Variants in GOLGA4 observed in about 807,000 individuals in gnomAD.
GOLGA4 encodes the protein golgin subfamily A member 4.
Under a neutral mutation model 265.9 loss-of-function variants are expected in GOLGA4, and 169 were observed. The observed-to-expected ratio is 0.64, with a 90% CI of 0.56 to 0.72. The LOEUF is 0.72. Among genes scored for constraint, GOLGA4 ranks in the 30% least tolerant of loss-of-function variants. The pLI, the probability that GOLGA4 is intolerant of heterozygous loss-of-function variation, is 0.00. For synonymous variants in GOLGA4, 923 were observed against 855.8 expected, an observed-to-expected ratio of 1.08 and a Z score of -1.37; for missense variants, 2,482 against 2,483.4, an observed-to-expected ratio of 1.00 and a Z score of 0.01.
chr3:37,257,844 A>G (rs1437435658), intron 2 of GOLGA4, among the ~76,000 whole-genome samples: 1 of 147,104 alleles, frequency 6.8e-6, no homozygotes. Context: ...AACAACTTTC[A>G]TATTGTTTTT....
In GOLGA4 at chr3:37,299,148, A is replaced by G. The variant is rs754842499; in HGVS notation, c.1002+128A>G. 32 of 932,118 alleles carry G rather than the reference A, an allele frequency of 3.4e-5. 1 individual carries two copies. Among genetic ancestry groups the G allele is most frequent in the African/African-American group, 1.0e-4 (6 of 59,938 alleles). 57.7% of individuals were successfully genotyped at this position (932,118 alleles called of 1,614,324 possible). ...GGCATTTTTGTTTGCCCTGGCCTAC[A>G]TAACACCAAACCTTGAGACTTACTG... is the stretch of plus-strand genomic sequence containing the variant. On this transcript the variant is annotated intron_variant, in intron 8 of 23. Transcript: ENST00000361924.
In GOLGA4 at chr3:37,326,394, A is replaced by G. The variant is rs1455412104; in HGVS notation, c.4508A>G (p.Glu1503Gly). ...TTTGATTGTTTAAAGGGTGAAATGG[A>G]AGACGACAAGAGCAAGATGGAGAAA... ...KRFDCLKGEMEDDKSKMEKKE... is the reference protein window; with the variant it reads ...KRFDCLKGEMGDDKSKMEKKE... The change falls in exon 14 of 24, where the codon GAA becomes GGA. Residue 1503 changes from glutamate to glycine, a missense_variant. By Grantham distance (98) the Glu-to-Gly change is moderately conservative (BLOSUM62 -2). Transcript: ENST00000361924. 3.1e-6 allele frequency: 5 copies of G among 1,613,306 alleles called. No homozygotes were observed. The highest frequency in any genetic ancestry group is 4.2e-6 in the Non-Finnish European group (5 of 1,179,596).
At chr3:37,281,822 A>T in intron 2 of GOLGA4, 136 bp from the exon 3 acceptor site, 2 of 715,150 alleles carry the variant, frequency 2.8e-6, no homozygotes, top group Non-Finnish European at 4.8e-6. Flanking sequence ...TTTTCAGAAA[A>T]CAATGTATTA....
At chr3:37,350,196 A>G (rs905460317) in intron 21 of GOLGA4, among the ~76,000 whole-genome samples, 1 of 152,150 alleles carries the variant, frequency 6.6e-6, no homozygotes, top group Non-Finnish European at 1.5e-5. Flanking sequence ...AGACAGTCTG[A>G]TATCTTTTCC....
At chr3:37,318,972 A>T in intron 11 of GOLGA4, 91 bp from the exon 12 acceptor site, 1 of 833,738 alleles carries the variant, frequency 1.2e-6, no homozygotes, top group Non-Finnish European at 1.8e-6. Flanking sequence ...AAAACTTATT[A>T]GTTTGAGTAA....
At chr3:37,352,418 G>A (rs2097077393) in intron 21 of GOLGA4, among the ~76,000 whole-genome samples, 1 of 151,954 alleles carries the variant, frequency 6.6e-6, no homozygotes, top group South Asian at 2.1e-4. Flanking sequence ...CAGCATGGGG[G>A]TAACTGCGCC....
chr3:37,355,180 G>A lies in GOLGA4; in HGVS notation c.6656G>A (p.Arg2219Gln), dbSNP rs1225685024. ...TQKILEREDA[R>Q]LMFTSPRSGI... Reference sequence around the variant, plus strand: ...AAAATTTTGGAAAGAGAAGATGCTCGGCTGATGGTAAGTTCTGGAAGTGGG... The same window carrying A: ...AAAATTTTGGAAAGAGAAGATGCTCAGCTGATGGTAAGTTCTGGAAGTGGG... The change falls in exon 22 of 24, where the codon CGG becomes CAG. Residue 2219 changes from arginine (R) to glutamine (Q), a missense_variant. Transcript: ENST00000361924. 2.6e-6 allele frequency: 4 copies of A among 1,563,406 alleles called. No homozygotes were observed. Among genetic ancestry groups the A allele is most frequent in the Admixed American group, 1.7e-5 (1 of 59,790 alleles).
At chr3:37,335,938 C>T (rs1448835815) in intron 17 of GOLGA4, among the ~76,000 whole-genome samples, 1 of 152,128 alleles carries the variant, frequency 6.6e-6, no homozygotes, top group African/African-American at 2.4e-5. Flanking sequence ...ATGGTCTTTT[C>T]ATAGCCCAGT....
chr3:37,278,126 A>G (rs1384691451), intron 2 of GOLGA4, among the ~76,000 whole-genome samples: 1 of 151,922 alleles, frequency 6.6e-6, no homozygotes, highest in African/African-American at 2.4e-5. Context: ...TTGTAATTCA[A>G]TAAAGTTTTT....
intron 10 of GOLGA4, chr3:37,302,815 A>C (rs2096896491): frequency 6.5e-6 from 1 of 153,724 alleles, no homozygotes; most frequent in Admixed American, 6.5e-5. Context: ...AATAATGAAC[A>C]CTTCAGTGTT....
chr3:37,343,585 A>G (rs2151028085), intron 20 of GOLGA4, among the ~76,000 whole-genome samples: 1 of 152,236 alleles, frequency 6.6e-6, no homozygotes, highest in Non-Finnish European at 1.5e-5. Flanking sequence ...TAAATTACTT[A>G]AGTCTCTTTT....
At position 37,327,709 on chromosome 3, in the gene GOLGA4, A is replaced by G; in HGVS notation, c.5823A>G (p.Lys1941=). The change falls in exon 14 of 24, where the codon AAA becomes AAG. Residue 1941 remains lysine (K), a synonymous_variant. Transcript: ENST00000361924. ...CCGGGGCAGAACGGGAGAAACAGAA[A>G]CTGGGCAAGGAGATTGTTAGATTGC... ...KLAGAEREKQ[K]LGKEIVRLQK... The G allele has an allele frequency of 1.9e-6, 3 of 1,613,950 alleles. No homozygotes were observed. Among genetic ancestry groups the G allele is most frequent in the Non-Finnish European group, 2.5e-6 (3 of 1,179,862 alleles).
intron 10 of GOLGA4, among the ~76,000 whole-genome samples, chr3:37,314,505 G>A (rs2150924195): frequency 6.6e-6 from 1 of 152,072 alleles, no homozygotes; most frequent in Non-Finnish European, 1.5e-5. Flanking sequence ...GCCAGGCATG[G>A]TGGTGCATGC....
chr3:37,245,858 CT>C, intron 1 of GOLGA4, among the ~76,000 whole-genome samples: 1 of 152,160 alleles, frequency 6.6e-6, no homozygotes, highest in East Asian at 1.9e-4. Context: ...GCCACTGCGC[CT>C]GGCCATTCGT....
chr3:37,306,555 G>C (rs2096906941), intron 10 of GOLGA4, among the ~76,000 whole-genome samples: 1 of 150,820 alleles, frequency 6.6e-6, no homozygotes, highest in South Asian at 2.1e-4. Flanking sequence ...ATCAGGATAG[G>C]AGATAGGGGT....
intron 10 of GOLGA4, among the ~76,000 whole-genome samples, chr3:37,308,826 A>G (rs1178879491): frequency 6.6e-6 from 1 of 152,020 alleles, no homozygotes; most frequent in Admixed American, 6.6e-5. Context: ...CGTGTTAGCC[A>G]GGATGGTCTC....
At chr3:37,320,310 T>G (rs1322280466) in intron 12 of GOLGA4, 2 of 152,230 alleles carry the variant, frequency 1.3e-5, no homozygotes, top group African/African-American at 4.8e-5. Context: ...GAAATTATTA[T>G]CCGTAAGATA....
intron 5 of GOLGA4, among the ~76,000 whole-genome samples, chr3:37,294,044 G>A (rs1025913978): frequency 1.3e-5 from 2 of 152,120 alleles, no homozygotes; most frequent in Non-Finnish European, 2.9e-5. Context: ...TGTGTGGTCC[G>A]TCATCTTCCA....
At chr3:37,329,173 C>A in intron 16 of GOLGA4, 80 bp downstream of exon 16, 2 of 1,195,398 alleles carry the variant, frequency 1.7e-6, no homozygotes, top group Non-Finnish European at 2.3e-6. Flanking sequence ...ATTTCCTTTT[C>A]AAATGTGTTT....
Sources: allele counts gnomAD v4.1 joint callset (sites outside exome capture counted in the v4.1 genomes callset), GRCh38; gene constraint gnomAD v4.1.1; transcripts MANE v1.5; gene names NCBI Gene and HGNC (gene_info 2026-07-23, HGNC 2026-07-21).